Variants in CERKL observed in about 807,000 individuals in gnomAD.
CERKL encodes the protein ceramide kinase-like protein.
CERKL carries 61 observed loss-of-function variants against 63.4 expected under a neutral mutation model. That is an observed-to-expected ratio of 0.96 (90% CI 0.78 to 1.19). The LOEUF is 1.19. Among genes scored for constraint, CERKL ranks in the 50% most tolerant of loss-of-function variants. The probability of loss-of-function intolerance (pLI) is 0.00; values close to 1 mark genes in which losing one functional copy is unlikely to be tolerated. For missense variants in CERKL, 675 were observed against 655.5 expected (o/e 1.03, Z -0.33); for synonymous variants, 250 against 230.5 (o/e 1.08, Z -0.77).
intron 1 of CERKL, among the ~76,000 whole-genome samples, chr2:181,614,611 A>G (rs998075835): frequency 1.3e-5 from 2 of 152,224 alleles, no homozygotes; most frequent in Non-Finnish European, 2.9e-5. Context: ...CATCTACAAG[A>G]TAACTACTCT....
At chr2:181,651,857 A>T (rs959198203) in intron 1 of CERKL, among the ~76,000 whole-genome samples, 13 of 150,284 alleles carry the variant, frequency 8.7e-5, no homozygotes, top group African/African-American at 3.2e-4. Context: ...ATTTCTATAC[A>T]CTAATATTGT....
intron 1 of CERKL, among the ~76,000 whole-genome samples, chr2:181,655,848 TC>T (rs1045441822): frequency 6.6e-6 from 1 of 152,176 alleles, no homozygotes; most frequent in Admixed American, 6.5e-5. Context: ...ATGTAGTTCC[TC>T]CCCCATTTCA....
At chr2:181,604,136 C>G in intron 1 of CERKL, 57 bp from the exon 2 acceptor site, 5 of 1,409,648 alleles carry the variant, frequency 3.5e-6, no homozygotes, top group Non-Finnish European at 4.9e-6. Flanking sequence ...AGAGGAACAA[C>G]AGACACTGGG....
intron 1 of CERKL, among the ~76,000 whole-genome samples, chr2:181,650,715 C>A (rs1011351105): frequency 2.0e-5 from 3 of 151,544 alleles, no homozygotes; most frequent in Non-Finnish European, 4.4e-5. Context: ...GCCGAGATCA[C>A]ACCATTGCAC....
At position 181,537,235 on chromosome 2, in the gene CERKL, C is replaced by T. The variant is rs1236712947; in HGVS notation, c.*949G>A. Reference sequence around the variant, plus strand: ...AGAACTGTCTTCTCCAGGATGGTCTCTAAGGAAATTTACATTTGGTTCTTT... The same window carrying T: ...AGAACTGTCTTCTCCAGGATGGTCTTTAAGGAAATTTACATTTGGTTCTTT... On this transcript the variant is annotated 3_prime_UTR_variant, in exon 13 of 13. Transcript: ENST00000410087. The T allele has an allele frequency of 2.2e-6, 1 of 453,686 alleles. No homozygotes were observed. The highest frequency in any genetic ancestry group is 4.4e-6 in the Non-Finnish European group (1 of 226,608). 28.1% of individuals were successfully genotyped at this position (453,686 alleles called of 1,614,324 possible).
intron 3 of CERKL, among the ~76,000 whole-genome samples, chr2:181,573,533 AT>A (rs1559084340): frequency 1.3e-5 from 2 of 152,216 alleles, no homozygotes; most frequent in South Asian, 2.1e-4. Flanking sequence ...GTCTGAAAAA[AT>A]ATCTGAAAAA....
intron 1 of CERKL, among the ~76,000 whole-genome samples, chr2:181,613,744 T>C (rs1461502102): frequency 6.6e-6 from 1 of 152,216 alleles, no homozygotes; most frequent in African/African-American, 2.4e-5. Context: ...TGAAACACTG[T>C]AAATCTCTCA....
chr2:181,619,341 A>C (rs1195447205), intron 1 of CERKL, among the ~76,000 whole-genome samples: 2 of 149,610 alleles, frequency 1.3e-5, no homozygotes, highest in Non-Finnish European at 1.5e-5. Flanking sequence ...TTTTTTTGGC[A>C]TTATCAGTTC....
intron 1 of CERKL, among the ~76,000 whole-genome samples, chr2:181,630,594 A>G (rs1686914859): frequency 6.6e-6 from 1 of 152,152 alleles, no homozygotes; most frequent in African/African-American, 2.4e-5. Context: ...GCAAAAAGAA[A>G]AGGCCACGTG....
chr2:181,567,905 A>T (rs1430765982), intron 3 of CERKL, among the ~76,000 whole-genome samples: 1 of 152,054 alleles, frequency 6.6e-6, no homozygotes, highest in Non-Finnish European at 1.5e-5. Context: ...CCCCCTACAA[A>T]CAAACAAAGA....
chr2:181,632,607 CAAAACTTACTGTACTA>C (rs1687014509), intron 1 of CERKL, among the ~76,000 whole-genome samples: 2 of 152,168 alleles, frequency 1.3e-5, no homozygotes, highest in Non-Finnish European at 2.9e-5. Flanking sequence ...CCACGATAGG[CAAAACTTACTGTACTA>C]AAACCAAACA....
intron 2 of CERKL, among the ~76,000 whole-genome samples, chr2:181,579,193 G>A (rs1445618394): frequency 6.6e-6 from 1 of 151,864 alleles, no homozygotes; most frequent in East Asian, 1.9e-4. Flanking sequence ...GCTTAGAAAA[G>A]CACCTGGCAC....
chr2:181,646,115 G>C (rs1687661123), intron 1 of CERKL, among the ~76,000 whole-genome samples: 1 of 152,212 alleles, frequency 6.6e-6, no homozygotes, highest in Admixed American at 6.5e-5. Flanking sequence ...AGCTAGGGTA[G>C]TGATTGGTCG....
chr2:181,562,771 C>T (rs1396037028), intron 4 of CERKL, among the ~76,000 whole-genome samples: 2 of 152,090 alleles, frequency 1.3e-5, no homozygotes, highest in South Asian at 4.2e-4. Flanking sequence ...TATCTATGAA[C>T]CCATCATCTA....
intron 2 of CERKL, among the ~76,000 whole-genome samples, chr2:181,598,735 T>C (rs1290710479): frequency 6.6e-6 from 1 of 152,042 alleles, no homozygotes; most frequent in Non-Finnish European, 1.5e-5. Flanking sequence ...ACAAATCCAA[T>C]ACATTGCTAC....
At chr2:181,547,899 A>G (rs1348148041) in intron 8 of CERKL, 52 bp from the exon 9 acceptor site, 5 of 1,337,384 alleles carry the variant, frequency 3.7e-6, no homozygotes, top group Non-Finnish European at 5.2e-6. Context: ...GCGCGCACAG[A>G]CACACAGACA....
chr2:181,590,836 A>T (rs891467760), intron 2 of CERKL, among the ~76,000 whole-genome samples: 1 of 152,234 alleles, frequency 6.6e-6, no homozygotes, highest in African/African-American at 2.4e-5. Context: ...TAAATATTTT[A>T]AAAATGATAT....
intron 2 of CERKL, among the ~76,000 whole-genome samples, chr2:181,595,213 T>A (rs1403347311): frequency 6.6e-6 from 1 of 150,720 alleles, no homozygotes; most frequent in Non-Finnish European, 1.5e-5. Context: ...TATGTGTTTT[T>A]AAAATTCCTT....
intron 5 of CERKL, among the ~76,000 whole-genome samples, chr2:181,551,462 T>C (rs1687984109): frequency 6.6e-6 from 1 of 151,924 alleles, no homozygotes; most frequent in Non-Finnish European, 1.5e-5. Context: ...CTTAAACATA[T>C]TTATAAGAAA....
Sources: allele counts gnomAD v4.1 joint callset (sites outside exome capture counted in the v4.1 genomes callset), GRCh38; gene constraint gnomAD v4.1.1; transcripts MANE v1.5; gene names NCBI Gene and HGNC (gene_info 2026-07-23, HGNC 2026-07-21).